Variants in CNTNAP4 observed in about 807,000 individuals in gnomAD.
CNTNAP4 encodes contactin-associated protein-like 4.
In CNTNAP4, 98 loss-of-function variants were observed where a neutral mutation model predicts 148.4. The observed-to-expected ratio is 0.66, with a 90% CI of 0.56 to 0.78. CNTNAP4 has a LOEUF of 0.78. Among genes scored for constraint, CNTNAP4 ranks in the 30% least tolerant of loss-of-function variants. The pLI, the probability that CNTNAP4 is intolerant of heterozygous loss-of-function variation, is 0.00. For synonymous variants in CNTNAP4, 730 were observed against 565.1 expected, an observed-to-expected ratio of 1.29 and a Z score of -4.14; for missense variants, 1,935 against 1,565.6, an observed-to-expected ratio of 1.24 and a Z score of -3.98.
chr16:76,381,954 G>C (rs2016016636), intron 3 of CNTNAP4, among the ~76,000 whole-genome samples: 1 of 151,616 alleles, frequency 6.6e-6, no homozygotes, highest in South Asian at 2.1e-4. Context: ...AGCTACTCGG[G>C]AGGCTGAGGC....
At chr16:76,349,588 G>C (rs1021794042) in intron 2 of CNTNAP4, among the ~76,000 whole-genome samples, 2 of 152,032 alleles carry the variant, frequency 1.3e-5, no homozygotes, top group Non-Finnish European at 2.9e-5. Context: ...TTTATGTCAA[G>C]ATGAAAATGA....
chr16:76,500,872 G>C (rs926504386), intron 15 of CNTNAP4, among the ~76,000 whole-genome samples: 3 of 151,952 alleles, frequency 2.0e-5, no homozygotes, highest in African/African-American at 7.3e-5. Flanking sequence ...TTAGCGACTA[G>C]TGCATTAAAT....
intron 17 of CNTNAP4, among the ~76,000 whole-genome samples, chr16:76,523,527 C>T (rs965703812): frequency 6.6e-6 from 1 of 152,006 alleles, no homozygotes; most frequent in Admixed American, 6.6e-5. Flanking sequence ...TTTGCTAATT[C>T]GTTTGTAGAA....
At chr16:76,521,477 T>C (rs1261917482) in intron 16 of CNTNAP4, among the ~76,000 whole-genome samples, 167 bp downstream of exon 16, 1 of 152,222 alleles carries the variant, frequency 6.6e-6, no homozygotes, top group Non-Finnish European at 1.5e-5. Flanking sequence ...AGAAAATAAT[T>C]TGATACTTAA....
intron 3 of CNTNAP4, among the ~76,000 whole-genome samples, chr16:76,394,401 G>A (rs1186570992): frequency 1.3e-5 from 2 of 152,112 alleles, no homozygotes; most frequent in Admixed American, 6.5e-5. Context: ...TCCTCTAAAT[G>A]CTAATTAACT....
intron 15 of CNTNAP4, among the ~76,000 whole-genome samples, chr16:76,502,828 A>G (rs140626153): frequency 4.6e-4 from 70 of 152,172 alleles, no homozygotes; most frequent in African/African-American, 1.6e-3. Flanking sequence ...AAAAAGTGAG[A>G]ATGAAAAAAG....
chr16:76,410,475 A>C (rs920171528), intron 3 of CNTNAP4, among the ~76,000 whole-genome samples: 1 of 151,712 alleles, frequency 6.6e-6, no homozygotes, highest in African/African-American at 2.4e-5. Context: ...GTTTTGTTAC[A>C]TCTGGCAGTG....
intron 4 of CNTNAP4, among the ~76,000 whole-genome samples, chr16:76,429,914 A>G (rs2079550970): frequency 6.6e-6 from 1 of 152,202 alleles, no homozygotes; most frequent in Non-Finnish European, 1.5e-5. Context: ...ATATAGTGAA[A>G]TAGTGTGGCA....
At chr16:76,397,986 A>G (rs2078270677) in intron 3 of CNTNAP4, among the ~76,000 whole-genome samples, 3 of 69,334 alleles carry the variant, frequency 4.3e-5, no homozygotes, top group Admixed American at 3.2e-4. Flanking sequence ...ATATATATAT[A>G]TATATATATA....
At chr16:76,542,622 C>T (rs561130023) in intron 21 of CNTNAP4, among the ~76,000 whole-genome samples, 119 of 152,240 alleles carry the variant, frequency 7.8e-4, no homozygotes, top group Non-Finnish European at 9.4e-4. Flanking sequence ...GGAGCCCCAA[C>T]CTCTGCAATG....
At chr16:76,429,291 C>T (rs1406256126) in intron 4 of CNTNAP4, among the ~76,000 whole-genome samples, 19 of 152,120 alleles carry the variant, frequency 1.2e-4, no homozygotes. Flanking sequence ...AAGCTCATGC[C>T]ACATGATGGA....
chr16:76,498,299 C>T (rs2143865199), intron 14 of CNTNAP4, among the ~76,000 whole-genome samples: 1 of 152,152 alleles, frequency 6.6e-6, no homozygotes, highest in Non-Finnish European at 1.5e-5. Flanking sequence ...GGCTGAGGCA[C>T]AAGAATGGAT....
intron 15 of CNTNAP4, among the ~76,000 whole-genome samples, chr16:76,513,670 G>A (rs964099597): frequency 6.6e-6 from 1 of 152,098 alleles, no homozygotes; most frequent in Admixed American, 6.5e-5. Flanking sequence ...GTGTATAGAT[G>A]TGCCTACTTA....
chr16:76,553,610 T>G lies in CNTNAP4; in HGVS notation c.3661+109T>G. On this transcript the variant is annotated intron_variant, in intron 22 of 23. Coordinates refer to ENST00000611870, the MANE Select transcript of CNTNAP4 (RefSeq NM_033401.5). ...ACCTTCTCAAGATGGCTTCTTAAAGTTGGTTTTGTTTGTTTAGCTTTTAGT... is the reference window on the plus strand; with the variant it reads ...ACCTTCTCAAGATGGCTTCTTAAAGGTGGTTTTGTTTGTTTAGCTTTTAGT... 6.1e-6 allele frequency: 5 copies of G among 816,124 alleles called. No individual in the cohort carries two copies. In the South Asian group the frequency reaches 9.1e-5, roughly 15 times the overall value. 50.6% of individuals were successfully genotyped at this position (816,124 alleles called of 1,614,324 possible). A position where few individuals can be genotyped will look rare whatever the true frequency, so the allele number is the denominator to read the frequency against.
At chr16:76,309,418 A>G (rs1473498706) in intron 1 of CNTNAP4, among the ~76,000 whole-genome samples, 4 of 152,106 alleles carry the variant, frequency 2.6e-5, no homozygotes, top group Non-Finnish European at 2.9e-5. Context: ...GTAAAGGGGC[A>G]GGCTCAGGTA....
At chr16:76,300,625 C>T (rs928833319) in intron 1 of CNTNAP4, among the ~76,000 whole-genome samples, 2 of 152,136 alleles carry the variant, frequency 1.3e-5, no homozygotes, top group Admixed American at 1.3e-4. Flanking sequence ...AATTAAAATT[C>T]TCTGACCTTC....
intron 2 of CNTNAP4, among the ~76,000 whole-genome samples, chr16:76,353,135 A>G (rs1196555650): frequency 6.6e-6 from 1 of 152,226 alleles, no homozygotes; most frequent in Non-Finnish European, 1.5e-5. Flanking sequence ...GTAGCATGTA[A>G]AAAATTTCTG....
chr16:76,322,314 G>A (rs1962508195), intron 2 of CNTNAP4, among the ~76,000 whole-genome samples: 1 of 152,066 alleles, frequency 6.6e-6, no homozygotes. Flanking sequence ...TATTGAGATG[G>A]GGGTGCTAAT....
At position 76,538,169 on chromosome 16, in the gene CNTNAP4, A is replaced by G; in HGVS notation, c.3049A>G (p.Asn1017Asp). The stretch of plus-strand genomic sequence containing the variant: ...ATCCGTGATATACAATTTTCAAGAA[A>G]ATTATCTTTTAAGTAAAAACTCCAG... The part of the protein sequence containing the change: ...GSSVIYNFQE[N>D]YLLSKNSSSH... Residue 1017 changes from asparagine to aspartate, a missense_variant, in exon 19 of 24, where the codon AAT (asparagine) becomes GAT (aspartate). By Grantham distance (23) the Asn-to-Asp change is conservative. Coordinates refer to ENST00000611870, the MANE Select transcript of CNTNAP4 (RefSeq NM_033401.5). The G allele has an allele frequency of 6.3e-7, 1 of 1,598,202 alleles. No individual in the cohort carries two copies. The highest frequency in any genetic ancestry group is 8.5e-7 in the Non-Finnish European group (1 of 1,173,870).
Sources: allele counts gnomAD v4.1 joint callset (sites outside exome capture counted in the v4.1 genomes callset), GRCh38; gene constraint gnomAD v4.1.1; transcripts MANE v1.5; gene names NCBI Gene and HGNC (gene_info 2026-07-23, HGNC 2026-07-21).